Variants in CPQ observed in about 807,000 individuals in gnomAD.
The protein encoded by CPQ is Ser-Met dipeptidase.
In CPQ, 37 loss-of-function variants were observed where a neutral mutation model predicts 45.7. The ratio of observed to expected loss-of-function variants is 0.81; its 90% CI spans 0.62 to 1.07. The LOEUF (loss-of-function observed/expected upper bound fraction) is 1.07. Among genes scored for constraint, CPQ ranks in the 50% least tolerant of loss-of-function variants. CPQ has a pLI of 0.00. For synonymous variants in CPQ, 186 were observed against 205.8 expected (o/e 0.90, Z 0.82); for missense variants, 537 against 572.9 (o/e 0.94, Z 0.64).
intron 4 of CPQ, among the ~76,000 whole-genome samples, chr8:96,933,922 T>A (rs780292876): frequency 2.0e-5 from 3 of 152,166 alleles, no homozygotes; most frequent in Non-Finnish European, 4.4e-5. Context: ...GCCTCATCTA[T>A]AAAATGCGAA....
chr8:96,993,129 G>C (rs1586484436), intron 5 of CPQ, among the ~76,000 whole-genome samples: 1 of 152,350 alleles, frequency 6.6e-6, no homozygotes, highest in East Asian at 1.9e-4. Flanking sequence ...TGAAGGTCTA[G>C]CGTAGTATAT....
At chr8:96,905,625 G>A (rs1297533867) in intron 4 of CPQ, among the ~76,000 whole-genome samples, 1 of 152,084 alleles carries the variant, frequency 6.6e-6, no homozygotes, top group Non-Finnish European at 1.5e-5. Flanking sequence ...TTGAGGAAAA[G>A]AAACAAGGCT....
rs1172189500 is a variant in CPQ at position 96,767,635 on chromosome 8, C to CTTTTTTTT, written c.-34-17210_-34-17203dup. Among the ~76,000 whole-genome samples, 14 of 39,316 alleles carry CTTTTTTTT rather than the reference C, an allele frequency of 3.6e-4. 3 individuals are homozygous for CTTTTTTTT. Among genetic ancestry groups the CTTTTTTTT allele is most frequent in the African/African-American group, 4.4e-4 (4 of 9,076 alleles). 25.8% of individuals were successfully genotyped at this position (39,316 alleles called of 152,430 possible). On this transcript the variant is annotated intron_variant, in intron 1 of 7. Coordinates refer to ENST00000220763, the MANE Select transcript of CPQ (RefSeq NM_016134.4). ...AATCCCTTTCAGCTGGTTACCTATG[C>CTTTTTTTT]TTTTTTTTTTTTTTTTTTTTTTTTT...
At chr8:96,902,545 G>A (rs975118293) in intron 4 of CPQ, among the ~76,000 whole-genome samples, 2 of 152,156 alleles carry the variant, frequency 1.3e-5, no homozygotes, top group Non-Finnish European at 2.9e-5. Flanking sequence ...TGGAGAAGAG[G>A]GGTGTAACAG....
At chr8:96,754,010 T>C (rs1184944854) in intron 1 of CPQ, among the ~76,000 whole-genome samples, 1 of 152,156 alleles carries the variant, frequency 6.6e-6, no homozygotes, top group East Asian at 1.9e-4. Context: ...TGATGCAATG[T>C]GTTATATTAA....
rs183408146 is a variant in CPQ at position 97,112,916 on chromosome 8, G to C, written c.1256-30104G>C. 1.3e-4 allele frequency among the ~76,000 whole-genome samples: 20 copies of C among 152,370 alleles called. No individual in the cohort carries two copies. In the East Asian group the frequency reaches 3.5e-3, roughly 26 times the overall value. ...GAAGTTGGGAAGACTAGAAGCTGCAGATCTAGGGACAGAGGGAAGCCATTT... is the reference window on the plus strand; with the variant it reads ...GAAGTTGGGAAGACTAGAAGCTGCACATCTAGGGACAGAGGGAAGCCATTT... On this transcript the variant is annotated intron_variant, in intron 7 of 7. Coordinates refer to ENST00000220763, the MANE Select transcript of CPQ (RefSeq NM_016134.4).
At chr8:96,664,020 A>G (rs1370364455) in intron 1 of CPQ, among the ~76,000 whole-genome samples, 3 of 152,254 alleles carry the variant, frequency 2.0e-5, no homozygotes, top group Non-Finnish European at 2.9e-5. Context: ...AATAGGGAAT[A>G]TAATGTCAAG....
chr8:97,079,426 A>T (rs552569511), intron 7 of CPQ, among the ~76,000 whole-genome samples: 1 of 152,216 alleles, frequency 6.6e-6, no homozygotes, highest in Non-Finnish European at 1.5e-5. Context: ...ATTATGATAG[A>T]TGCTTTACTT....
chr8:96,659,564 C>T (rs1438203231), intron 1 of CPQ, among the ~76,000 whole-genome samples: 2 of 152,240 alleles, frequency 1.3e-5, no homozygotes, highest in South Asian at 2.1e-4. Flanking sequence ...TTTCTATACA[C>T]ATGAGATCTT....
intron 5 of CPQ, among the ~76,000 whole-genome samples, chr8:96,984,855 T>C (rs555600073): frequency 1.1e-4 from 16 of 152,312 alleles, no homozygotes; most frequent in African/African-American, 3.4e-4. Flanking sequence ...GAATTTCAGC[T>C]GTTATGATTT....
At chr8:96,946,883 C>T (rs1004928057) in intron 4 of CPQ, among the ~76,000 whole-genome samples, 4 of 152,048 alleles carry the variant, frequency 2.6e-5, no homozygotes, top group East Asian at 3.9e-4. Context: ...TTGGAAAGAC[C>T]GTTTTCTGGC....
At chr8:96,929,120 TA>T (rs1812935642) in intron 4 of CPQ, among the ~76,000 whole-genome samples, 1 of 152,226 alleles carries the variant, frequency 6.6e-6, no homozygotes, top group Admixed American at 6.5e-5. Context: ...TGATGGAAGA[TA>T]ATTCTGATTT....
intron 3 of CPQ, among the ~76,000 whole-genome samples, chr8:96,842,544 C>T (rs1811626710): frequency 6.6e-6 from 1 of 152,110 alleles, no homozygotes; most frequent in African/African-American, 2.4e-5. Context: ...CAAGGGGGAA[C>T]CAGAGAAGAC....
chr8:96,747,937 C>T (rs1810211451), intron 1 of CPQ, among the ~76,000 whole-genome samples: 2 of 152,188 alleles, frequency 1.3e-5, no homozygotes, highest in Admixed American at 6.5e-5. Flanking sequence ...CTCTATGATA[C>T]TTTGAATGAG....
intron 4 of CPQ, among the ~76,000 whole-genome samples, chr8:96,919,292 A>C (rs933322723): frequency 2.6e-5 from 4 of 152,066 alleles, no homozygotes; most frequent in African/African-American, 9.7e-5. Flanking sequence ...TTCCAAAGTA[A>C]GTTTCTTTGT....
chr8:97,057,115 T>A (rs936559833), intron 6 of CPQ, among the ~76,000 whole-genome samples: 2 of 152,180 alleles, frequency 1.3e-5, no homozygotes, highest in African/African-American at 4.8e-5. Flanking sequence ...GAAAGGAGGC[T>A]CTGTTAATTA....
At chr8:96,989,418 G>A (rs1015037946) in intron 5 of CPQ, among the ~76,000 whole-genome samples, 4 of 124,780 alleles carry the variant, frequency 3.2e-5, no homozygotes, top group African/African-American at 8.7e-5. Context: ...GAGGGGAGGG[G>A]ACAGGAGCGG....
At chr8:96,769,626 ATTTTTTT>A (rs34672966) in intron 1 of CPQ, among the ~76,000 whole-genome samples, 2 of 112,664 alleles carry the variant, frequency 1.8e-5, no homozygotes, top group Non-Finnish European at 3.6e-5. Flanking sequence ...TGTTTACTGG[ATTTTTTT>A]TTTTTTTTTT....
intron 5 of CPQ, among the ~76,000 whole-genome samples, chr8:96,999,309 G>A (rs1373990735): frequency 6.6e-6 from 1 of 151,256 alleles, no homozygotes; most frequent in African/African-American, 2.4e-5. Flanking sequence ...CTGTCATGGG[G>A]TTTGTTGTAC....
Sources: allele counts gnomAD v4.1 joint callset (sites outside exome capture counted in the v4.1 genomes callset), GRCh38; gene constraint gnomAD v4.1.1; transcripts MANE v1.5; gene names NCBI Gene and HGNC (gene_info 2026-07-23, HGNC 2026-07-21).